RABL3: variants seen among roughly 807,000 people sequenced by gnomAD.
RABL3 encodes the protein RAB, member of RAS oncogene family like 3.
A neutral mutation model predicts 31.8 loss-of-function variants in RABL3; 31 were observed. The ratio of observed to expected loss-of-function variants is 0.97; its 90% CI spans 0.73 to 1.31. The LOEUF (loss-of-function observed/expected upper bound fraction) is 1.31. RABL3 is among the 40% of genes most tolerant of loss of function. The pLI is 0.00. For missense variants in RABL3, 263 were observed against 279.6 expected (o/e 0.94, Z 0.42); for synonymous variants, 97 against 99.9 (o/e 0.97, Z 0.18).
At chr3:120,740,508 C>T (rs1234524918) in intron 1 of RABL3, among the ~76,000 whole-genome samples, 14 of 152,152 alleles carry the variant, frequency 9.2e-5, no homozygotes, top group Admixed American at 5.9e-4. Flanking sequence ...GCAATCCACC[C>T]GCCTCAACCT....
chr3:120,701,264 T>C (rs956487940), intron 4 of RABL3, among the ~76,000 whole-genome samples: 1 of 152,214 alleles, frequency 6.6e-6, no homozygotes, highest in Non-Finnish European at 1.5e-5. Flanking sequence ...TACTCCAGTA[T>C]GTGGATATGC....
intron 1 of RABL3, among the ~76,000 whole-genome samples, chr3:120,739,644 T>A (rs1036438717): frequency 6.6e-6 from 1 of 152,210 alleles, no homozygotes; most frequent in Non-Finnish European, 1.5e-5. Flanking sequence ...TTATTACTTT[T>A]TTTATATAGA....
intron 5 of RABL3, among the ~76,000 whole-genome samples, chr3:120,697,730 T>C (rs576766710): frequency 5.9e-5 from 9 of 152,362 alleles, no homozygotes; most frequent in African/African-American, 1.9e-4. Flanking sequence ...AATTTTTTCA[T>C]GTATTTGTTA....
Position 120,706,054 on chromosome 3 carries a change from G to A in RABL3, c.329C>T (p.Ser110Leu). The change falls in exon 4 of 8, where the codon TCA becomes TTA. Residue 110 changes from serine (S) to leucine (L), a missense_variant. Ser to Leu is a moderately radical substitution (Grantham distance 145, BLOSUM62 -2). Transcript: ENST00000273375. ...KKSSQNLRRWSLEALNRDLVP... is the reference protein window; with the variant it reads ...KKSSQNLRRWLLEALNRDLVP... ...CAAATCCCTGTTGAGAGCTTCCAATGACCAACGACGCAAGTTTTGGGAGGA... is the reference window on the plus strand; with the variant it reads ...CAAATCCCTGTTGAGAGCTTCCAATAACCAACGACGCAAGTTTTGGGAGGA... The A allele has an allele frequency of 1.2e-6, 2 of 1,613,930 alleles. No homozygotes were observed. The highest frequency in any genetic ancestry group is 1.7e-6 in the Non-Finnish European group (2 of 1,179,880).
chr3:120,702,663 T>C (rs891830324), intron 4 of RABL3, among the ~76,000 whole-genome samples: 1 of 151,852 alleles, frequency 6.6e-6, no homozygotes, highest in East Asian at 1.9e-4. Flanking sequence ...GTTCATGCCA[T>C]TCTCCTGCCT....
intron 4 of RABL3, among the ~76,000 whole-genome samples, chr3:120,701,011 C>T (rs1011134805): frequency 3.3e-5 from 5 of 152,110 alleles, no homozygotes; most frequent in African/African-American, 4.8e-5. Flanking sequence ...GCTCCTACCA[C>T]TGTACCCATC....
At chr3:120,692,132 C>T (rs112000808) in intron 6 of RABL3, among the ~76,000 whole-genome samples, 2,648 of 152,234 alleles carry the variant, frequency 0.017, 84 homozygotes, top group African/African-American at 0.06. Context: ...TATTCTGGAG[C>T]GTGAGGAATT....
chr3:120,736,888 C>T (rs1708973768), intron 1 of RABL3, among the ~76,000 whole-genome samples: 2 of 152,106 alleles, frequency 1.3e-5, no homozygotes. Flanking sequence ...TGTAGAGTTT[C>T]TGCTGAGAGA....
At chr3:120,718,308 C>A (rs1339693598) in intron 2 of RABL3, among the ~76,000 whole-genome samples, 3 of 152,154 alleles carry the variant, frequency 2.0e-5, no homozygotes, top group African/African-American at 4.8e-5. Context: ...GCCTTGCTAA[C>A]ACTCCAAAGC....
chr3:120,735,546 C>G (rs1407791137), intron 1 of RABL3, among the ~76,000 whole-genome samples: 1 of 152,130 alleles, frequency 6.6e-6, no homozygotes, highest in African/African-American at 2.4e-5. Flanking sequence ...CTATGTCCTT[C>G]AGTTCTGCTC....
intron 1 of RABL3, among the ~76,000 whole-genome samples, chr3:120,735,717 T>G (rs1708952215): frequency 6.6e-6 from 1 of 152,220 alleles, no homozygotes; most frequent in African/African-American, 2.4e-5. Context: ...CTGCTTTAAA[T>G]GTGTCCCAGA....
At chr3:120,700,710 T>C (rs1708483245) in intron 4 of RABL3, among the ~76,000 whole-genome samples, 2 of 152,098 alleles carry the variant, frequency 1.3e-5, no homozygotes, top group African/African-American at 2.4e-5. Context: ...AATGATATGA[T>C]GTTTTAACAT....
chr3:120,711,827 T>G (rs1708616174), intron 2 of RABL3, among the ~76,000 whole-genome samples: 1 of 152,132 alleles, frequency 6.6e-6, no homozygotes, highest in South Asian at 2.1e-4. Flanking sequence ...TTTGAACAAT[T>G]CTCCAAACGA....
intron 5 of RABL3, among the ~76,000 whole-genome samples, chr3:120,694,961 GTT>G (rs11405676): frequency 1.1e-4 from 14 of 132,956 alleles, no homozygotes; most frequent in Non-Finnish European, 1.3e-4. Flanking sequence ...CAGTCTAGCT[GTT>G]TTTTTTTTTT....
chr3:120,709,337 T>C (rs1053757940), intron 3 of RABL3, among the ~76,000 whole-genome samples: 8 of 151,930 alleles, frequency 5.3e-5, no homozygotes, highest in Non-Finnish European at 1.2e-4. Context: ...AGCAGCTCTT[T>C]ATAACTAGCT....
chr3:120,734,492 G>C (rs1287245161), intron 1 of RABL3, among the ~76,000 whole-genome samples: 2 of 152,202 alleles, frequency 1.3e-5, no homozygotes, highest in African/African-American at 2.4e-5. Flanking sequence ...TCTGCAAACA[G>C]AGACAATTTG....
rs191144777 is a variant in RABL3, at chr3:120,696,822, T to C, written c.534+1601A>G. On this transcript the variant is annotated intron_variant, in intron 5 of 7. Coordinates refer to ENST00000273375, the MANE Select transcript of RABL3 (RefSeq NM_173825.5). ...ATAGCAAGAATCCTTTGGAATATCA[T>C]GGTTCAGTGCTGACTACCTGGGGTA... Among the ~76,000 whole-genome samples the C allele has an allele frequency of 1.8e-4, 27 of 152,320 alleles. No homozygotes were observed. In the East Asian group the frequency reaches 4.8e-3, roughly 27 times the overall value.
chr3:120,717,635 AT>A (rs1330945297), intron 2 of RABL3, among the ~76,000 whole-genome samples: 2 of 151,836 alleles, frequency 1.3e-5, no homozygotes, highest in African/African-American at 4.8e-5. Context: ...CGCCCAGCTA[AT>A]TTTTGTATTT....
intron 1 of RABL3, among the ~76,000 whole-genome samples, chr3:120,736,568 T>A (rs111722658): frequency 3.2e-4 from 49 of 152,240 alleles, no homozygotes; most frequent in African/African-American, 1.1e-3. Flanking sequence ...AATTTGATCC[T>A]GTCATCATGA....
Sources: gnomAD v4.1 joint callset for allele counts (sites outside exome capture counted in the v4.1 genomes callset) on GRCh38, gnomAD v4.1.1 for gene constraint, MANE v1.5 for transcripts, NCBI Gene and HGNC (gene_info 2026-07-23, HGNC 2026-07-21) for gene names.